The following SCGB2B2 variants were observed in gnomAD, a reference collection of about 807,000 sequenced individuals.
SCGB2B2 encodes the protein secretoglobin-like protein.
A neutral mutation model predicts 7.6 loss-of-function variants in SCGB2B2; 11 were observed. The observed-to-expected ratio is 1.45, with a 90% confidence interval of 0.91 to 2.40. The LOEUF (loss-of-function observed/expected upper bound fraction) is 2.40, where lower values mean the gene tolerates loss of function less well. Among genes scored for constraint, SCGB2B2 ranks in the 30% most tolerant of loss-of-function variants. The pLI, the probability that SCGB2B2 is intolerant of heterozygous loss-of-function variation, is 0.00. For missense variants in SCGB2B2, 104 were observed against 115.4 expected, an observed-to-expected ratio of 0.90 and a Z score of 0.45; for synonymous variants, 50 against 48.6, an observed-to-expected ratio of 1.03 and a Z score of -0.12.
chr19:34,660,595 G>T (rs1271462891), intron 1 of SCGB2B2, among the ~76,000 whole-genome samples: 2 of 151,762 alleles, frequency 1.3e-5, no homozygotes, highest in Non-Finnish European at 3.0e-5. Context: ...ATACCAGTTA[G>T]AATGGCGATC....
At chr19:34,639,928 G>A (rs898813636) in intron 1 of SCGB2B2, among the ~76,000 whole-genome samples, 7 of 152,002 alleles carry the variant, frequency 4.6e-5, no homozygotes, top group African/African-American at 1.7e-4. Flanking sequence ...TTCCAGTGGG[G>A]TTCCTGAGGG....
intron 1 of SCGB2B2, among the ~76,000 whole-genome samples, chr19:34,624,384 T>C (rs2066314006): frequency 6.6e-6 from 1 of 152,034 alleles, no homozygotes; most frequent in Non-Finnish European, 1.5e-5. Flanking sequence ...TTTAGTTCAG[T>C]TTAGTTTAGT....
chr19:34,667,526 A>G (rs1394955352), intron 1 of SCGB2B2, among the ~76,000 whole-genome samples: 1 of 151,886 alleles, frequency 6.6e-6, no homozygotes, highest in Non-Finnish European at 1.5e-5. Context: ...TACTTTATTT[A>G]CATAGGGTGT....
Position 34,592,751 on chromosome 19 carries a change from G to A in SCGB2B2, c.*804C>T, listed in dbSNP as rs141461011. Among the ~76,000 whole-genome samples, 829 of 152,278 alleles carry A rather than the reference G, an allele frequency of 5.4e-3. 5 individuals are homozygous for A. Among genetic ancestry groups the A allele is most frequent in the Non-Finnish European group, 8.3e-3 (567 of 68,008 alleles). ...TGTGACCTCAATGTCAATGTCCCCT[G>A]TCATGGTGACATGGCCACACAGACC... On this transcript the variant is annotated 3_prime_UTR_variant, in exon 4 of 4. Coordinates refer to ENST00000601241, the MANE Select transcript of SCGB2B2 (RefSeq NM_001025591.4).
intron 1 of SCGB2B2, among the ~76,000 whole-genome samples, chr19:34,610,083 T>C (rs2065887462): frequency 6.6e-6 from 1 of 152,132 alleles, no homozygotes; most frequent in Non-Finnish European, 1.5e-5. Context: ...TTACATGTGA[T>C]TGACTTCTCG....
chr19:34,642,195 G>A (rs1734454126), intron 1 of SCGB2B2, among the ~76,000 whole-genome samples: 2 of 152,172 alleles, frequency 1.3e-5, no homozygotes, highest in Admixed American at 1.3e-4. Context: ...AAAGGATTTT[G>A]TTTTTCTTTT....
downstream of SCGB2B2, among the ~76,000 whole-genome samples, chr19:34,589,618 G>A (rs1414986253): frequency 6.6e-6 from 1 of 152,150 alleles, no homozygotes; most frequent in African/African-American, 2.4e-5. Context: ...GAGCTGGCAG[G>A]ATGGGCCAGG....
chr19:34,587,527 T>C (rs2065209330), downstream of SCGB2B2, among the ~76,000 whole-genome samples: 1 of 152,206 alleles, frequency 6.6e-6, no homozygotes, highest in Admixed American at 6.5e-5. Context: ...TGTTTCTTTT[T>C]CTTGCCTAAT....
intron 1 of SCGB2B2, among the ~76,000 whole-genome samples, chr19:34,669,179 G>A (rs548283595): frequency 6.6e-6 from 1 of 152,162 alleles, no homozygotes; most frequent in South Asian, 2.1e-4. Context: ...GCGAGGGTCC[G>A]CGACTTCATT....
At chr19:34,625,597 T>G (rs10425319) in intron 1 of SCGB2B2, among the ~76,000 whole-genome samples, 47,994 of 151,934 alleles carry the variant, frequency 0.32, 8,415 homozygotes, top group Middle Eastern at 0.47. Context: ...TGCCAAGGCT[T>G]GAGTAGGTAA....
At chr19:34,645,541 G>GACAC (rs112676925) in intron 1 of SCGB2B2, 34 of 17,840 alleles carry the variant, frequency 1.9e-3, no homozygotes, top group African/African-American at 5.7e-3. Flanking sequence ...CACAGACACA[G>GACAC]ACACACACAC....
intron 1 of SCGB2B2, among the ~76,000 whole-genome samples, chr19:34,643,878 T>TA (rs1355281688): frequency 2.7e-5 from 4 of 150,782 alleles, no homozygotes; most frequent in African/African-American, 4.9e-5. Context: ...GAGGTCTAAA[T>TA]ATCCACAAGA....
chr19:34,636,704 T>C (rs1191211398), intron 1 of SCGB2B2, among the ~76,000 whole-genome samples: 3 of 152,126 alleles, frequency 2.0e-5, no homozygotes, highest in Non-Finnish European at 2.9e-5. Flanking sequence ...ATGTCAAGAA[T>C]GCAAAACATA....
chr19:34,586,774 G>A (rs2065197096), downstream of SCGB2B2, among the ~76,000 whole-genome samples: 1 of 152,124 alleles, frequency 6.6e-6, no homozygotes, highest in South Asian at 2.1e-4. Context: ...TATTCCTTGT[G>A]CTGTGCTTTT....
chr19:34,660,956 G>T (rs2067436286), intron 1 of SCGB2B2, among the ~76,000 whole-genome samples: 1 of 152,178 alleles, frequency 6.6e-6, no homozygotes, highest in Non-Finnish European at 1.5e-5. Flanking sequence ...AAGAATGGAT[G>T]AGTGCATGTC....
rs1340767337 is a variant in SCGB2B2 at position 34,593,008 on chromosome 19, G to A, written c.*547C>T. Among the ~76,000 whole-genome samples, 14 of 152,096 alleles carry A rather than the reference G, an allele frequency of 9.2e-5. No homozygotes were observed. Among genetic ancestry groups the A allele is most frequent in the Admixed American group, 9.2e-4 (14 of 15,270 alleles). On this transcript the variant is annotated 3_prime_UTR_variant, in exon 4 of 4. Coordinates refer to ENST00000601241, the MANE Select transcript of SCGB2B2 (RefSeq NM_001025591.4). ...GGTAGGGATGGAGAAGTGTGTTAAGGTTGATTTCCTGGGTTCCGAAAACAG... is the reference window on the plus strand; with the variant it reads ...GGTAGGGATGGAGAAGTGTGTTAAGATTGATTTCCTGGGTTCCGAAAACAG...
At chr19:34,617,311 C>A (rs1449506612) in intron 1 of SCGB2B2, among the ~76,000 whole-genome samples, 1 of 151,348 alleles carries the variant, frequency 6.6e-6, no homozygotes, top group African/African-American at 2.4e-5. Flanking sequence ...TTCTTCCTAC[C>A]CATGAGCATG....
intron 1 of SCGB2B2, among the ~76,000 whole-genome samples, chr19:34,610,458 ATTTT>A (rs1001914570): frequency 2.0e-5 from 3 of 152,050 alleles, no homozygotes; most frequent in East Asian, 3.9e-4. Context: ...CCATATATTT[ATTTT>A]ATTATGTTGG....
chr19:34,647,579 C>G (rs1184511085), intron 1 of SCGB2B2, among the ~76,000 whole-genome samples: 2 of 124,574 alleles, frequency 1.6e-5, no homozygotes, highest in Non-Finnish European at 3.8e-5. Context: ...GCCTTTGTCC[C>G]CAGAATTGCC....
Sources: gnomAD v4.1 joint callset for allele counts (sites outside exome capture counted in the v4.1 genomes callset) on GRCh38, gnomAD v4.1.1 for gene constraint, MANE v1.5 for transcripts, NCBI Gene and HGNC (gene_info 2026-07-23, HGNC 2026-07-21) for gene names.